Variants in CPQ observed in about 807,000 individuals in gnomAD.
CPQ encodes carboxypeptidase Q.
A neutral mutation model predicts 45.7 loss-of-function variants in CPQ; 37 were observed. The ratio of observed to expected loss-of-function variants is 0.81; its 90% CI spans 0.62 to 1.07. The LOEUF is 1.07. Among genes scored for constraint, CPQ ranks in the 50% least tolerant of loss-of-function variants. The pLI is 0.00. For synonymous variants in CPQ, 186 were observed against 205.8 expected (o/e 0.90, Z 0.82); for missense variants, 537 against 572.9 (o/e 0.94, Z 0.64).
chr8:96,922,503 G>C (rs968611365), intron 4 of CPQ, among the ~76,000 whole-genome samples: 1 of 152,138 alleles, frequency 6.6e-6, no homozygotes. Flanking sequence ...TGTGAATTCC[G>C]TGTACTCAGC....
chr8:96,746,499 G>A (rs1810184258), intron 1 of CPQ, among the ~76,000 whole-genome samples: 1 of 152,144 alleles, frequency 6.6e-6, no homozygotes, highest in Non-Finnish European at 1.5e-5. Context: ...GCCTCATCAA[G>A]CTGGTCCCTC....
intron 6 of CPQ, among the ~76,000 whole-genome samples, chr8:97,054,287 G>C (rs987337553): frequency 3.3e-5 from 5 of 152,128 alleles, no homozygotes; most frequent in Non-Finnish European, 7.4e-5. Context: ...ATGTTGTCGT[G>C]GATGTGGTGA....
chr8:96,981,771 T>C (rs1426076249), intron 5 of CPQ, among the ~76,000 whole-genome samples: 1 of 152,230 alleles, frequency 6.6e-6, no homozygotes, highest in African/African-American at 2.4e-5. Context: ...TTTTATAATC[T>C]ATAAACATTA....
chr8:96,931,283 A>G (rs914849562), intron 4 of CPQ, among the ~76,000 whole-genome samples: 2 of 152,152 alleles, frequency 1.3e-5, no homozygotes, highest in Non-Finnish European at 2.9e-5. Flanking sequence ...CTTCCCTTTA[A>G]CTTTTCTATT....
intron 1 of CPQ, among the ~76,000 whole-genome samples, chr8:96,718,444 C>T (rs936927093): frequency 1.4e-4 from 21 of 151,942 alleles, no homozygotes; most frequent in Admixed American, 3.3e-4. Context: ...TAAGGCAGCG[C>T]GTCTGGAGTT....
At chr8:96,682,642 G>A (rs1416825281) in intron 1 of CPQ, among the ~76,000 whole-genome samples, 1 of 152,118 alleles carries the variant, frequency 6.6e-6, no homozygotes, top group Admixed American at 6.5e-5. Flanking sequence ...GTGCTTGTAT[G>A]TTTGGAATTG....
chr8:97,039,072 C>G (rs938269637), intron 6 of CPQ, among the ~76,000 whole-genome samples: 1 of 152,138 alleles, frequency 6.6e-6, no homozygotes, highest in African/African-American at 2.4e-5. Context: ...GCAGTTGTTT[C>G]CCTGTAGGTA....
intron 4 of CPQ, among the ~76,000 whole-genome samples, chr8:96,884,045 T>C (rs1007863827): frequency 1.2e-4 from 19 of 152,234 alleles, no homozygotes; most frequent in African/African-American, 2.9e-4. Context: ...CAATTGTTCA[T>C]TGGCACATTG....
chr8:96,698,924 T>A (rs1809421547), intron 1 of CPQ, among the ~76,000 whole-genome samples: 1 of 151,606 alleles, frequency 6.6e-6, no homozygotes. Flanking sequence ...CAGTTTGGAG[T>A]TTTCTCAAAA....
chr8:97,109,367 G>T (rs1811462843), intron 7 of CPQ, among the ~76,000 whole-genome samples: 1 of 152,098 alleles, frequency 6.6e-6, no homozygotes, highest in Admixed American at 6.5e-5. Flanking sequence ...CCCTTAACAT[G>T]CTCTTGAGAC....
At chr8:97,030,405 A>T (rs1254022396) in intron 6 of CPQ, among the ~76,000 whole-genome samples, 5 of 150,560 alleles carry the variant, frequency 3.3e-5, no homozygotes, top group African/African-American at 1.2e-4. Flanking sequence ...CTATTACCCT[A>T]TTTCAGTCAG....
intron 1 of CPQ, among the ~76,000 whole-genome samples, chr8:96,705,914 G>A (rs982833776): frequency 3.3e-5 from 5 of 152,100 alleles, no homozygotes; most frequent in Non-Finnish European, 7.4e-5. Context: ...AATGAAGTGT[G>A]TATATTCTCT....
chr8:96,696,622 T>G (rs2130741891), intron 1 of CPQ, among the ~76,000 whole-genome samples: 1 of 151,538 alleles, frequency 6.6e-6, no homozygotes, highest in East Asian at 1.9e-4. Flanking sequence ...TTTACAAACT[T>G]TAGTCAGGCT....
At chr8:97,070,533 T>C (rs191338912) in intron 7 of CPQ, among the ~76,000 whole-genome samples, 6 of 152,246 alleles carry the variant, frequency 3.9e-5, no homozygotes, top group Non-Finnish European at 7.4e-5. Context: ...AGCTTTTAGA[T>C]ACTTCAGTTT....
intron 1 of CPQ, among the ~76,000 whole-genome samples, chr8:96,706,262 A>G (rs1809529401): frequency 6.6e-6 from 1 of 152,150 alleles, no homozygotes; most frequent in African/African-American, 2.4e-5. Context: ...TTTTGAACCA[A>G]TGACTCTATT....
rs1810384502 is a variant in CPQ at position 96,760,402 on chromosome 8, A to C, written c.-34-24462A>C. ...GGTAAAGAAACGTATGCAAGATTGT[A>C]AGTGGAAGAGTCAGGATTTTTAGTC... On this transcript the variant is annotated intron_variant, in intron 1 of 7. Coordinates refer to ENST00000220763, the MANE Select transcript of CPQ (RefSeq NM_016134.4). Among the ~76,000 whole-genome samples the C allele has an allele frequency of 1.3e-5, 2 of 152,174 alleles. 1 individual carries two copies. Among genetic ancestry groups the C allele is most frequent in the South Asian group, 4.1e-4 (2 of 4,834 alleles).
In CPQ at chr8:96,786,295, T is replaced by G. The variant is rs188538759; in HGVS notation, c.433+965T>G. 2.3e-3 allele frequency among the ~76,000 whole-genome samples: 347 copies of G among 152,266 alleles called. 4 individuals carry two copies. Among genetic ancestry groups the G allele is most frequent in the African/African-American group, 8.2e-3 (339 of 41,578 alleles). ...ATAAATTATGTGATCTTTCATGAATTCTTTTTTTCATGTAGCATACTGTTT... is the reference window on the plus strand; with the variant it reads ...ATAAATTATGTGATCTTTCATGAATGCTTTTTTTCATGTAGCATACTGTTT... On this transcript the variant is annotated intron_variant, in intron 2 of 7. Transcript: ENST00000220763.
chr8:96,812,075 A>T (rs1031424791), intron 2 of CPQ, among the ~76,000 whole-genome samples: 1 of 152,180 alleles, frequency 6.6e-6, no homozygotes, highest in Admixed American at 6.5e-5. Flanking sequence ...TCTTTGGAGT[A>T]CCCATAGAGA....
At chr8:96,749,797 G>A (rs1440784307) in intron 1 of CPQ, among the ~76,000 whole-genome samples, 1 of 152,132 alleles carries the variant, frequency 6.6e-6, no homozygotes, top group African/African-American at 2.4e-5. Context: ...GTGCAGTTCT[G>A]CAAGGTGTAT....
Sources: allele counts gnomAD v4.1 joint callset (sites outside exome capture counted in the v4.1 genomes callset), GRCh38; gene constraint gnomAD v4.1.1; transcripts MANE v1.5; gene names NCBI Gene and HGNC (gene_info 2026-07-23, HGNC 2026-07-21).